FHDC1: variants seen among roughly 807,000 people sequenced by gnomAD.
The protein encoded by FHDC1 is FH2 domain-containing protein 1.
In FHDC1, 25 loss-of-function variants were observed where a neutral mutation model predicts 52.6. The ratio of observed to expected loss-of-function variants is 0.48; its 90% CI spans 0.35 to 0.66. The LOEUF is 0.66. Ranked by LOEUF, FHDC1 falls within the 30% of genes least tolerant of loss-of-function variation. The pLI is 0.01. For synonymous variants in FHDC1, 616 were observed against 581.5 expected, an observed-to-expected ratio of 1.06 and a Z score of -0.85; for missense variants, 1,459 against 1,452.8, an observed-to-expected ratio of 1.00 and a Z score of -0.07.
chr4:152,939,420 C>G (rs927681012), intron 1 of FHDC1, among the ~76,000 whole-genome samples: 1 of 152,094 alleles, frequency 6.6e-6, no homozygotes, highest in Non-Finnish European at 1.5e-5. Context: ...AGGCGTGAGC[C>G]ACCGCGCCTG....
rs779882518 is a variant in FHDC1 at position 152,976,561 on chromosome 4, C to T, written c.3270C>T (p.Ser1090=). The change falls in exon 12 of 12, where the codon AGC becomes AGT. Residue 1090 remains serine (S), a synonymous_variant. Coordinates refer to ENST00000511601, the MANE Select transcript of FHDC1 (RefSeq NM_001371116.1). ...ACAGCAGCACTTTGAGGCGAGCCAG[C>T]AGTGCCCGGGCCCCCAAGAAGCGCC... ...PKDSSTLRRA[S]SARAPKKRPE... 50 of 1,612,660 alleles carry T rather than the reference C, an allele frequency of 3.1e-5. No individual in the cohort carries two copies. The highest frequency in any genetic ancestry group is 4.0e-5 in the Non-Finnish European group (47 of 1,179,658).
chr4:152,914,375 T>C, the FHDC1 span, among the ~76,000 whole-genome samples: 2 of 151,376 alleles, frequency 1.3e-5, no homozygotes, highest in African/African-American at 4.9e-5. Flanking sequence ...AGTTTGACTC[T>C]TAGTAGTTTA....
intron 2 of FHDC1, among the ~76,000 whole-genome samples, chr4:152,946,529 C>T (rs553092851): frequency 3.9e-5 from 6 of 152,312 alleles, no homozygotes; most frequent in African/African-American, 1.4e-4. Flanking sequence ...GGGTTCTTGT[C>T]TAACAAAGAT....
chr4:152,918,979 AT>A, the FHDC1 span, among the ~76,000 whole-genome samples: 1 of 152,254 alleles, frequency 6.6e-6, no homozygotes, highest in East Asian at 1.9e-4. Context: ...AAGAGCTTGG[AT>A]CTAGCAGATT....
intron 10 of FHDC1, among the ~76,000 whole-genome samples, chr4:152,970,894 A>G (rs1157973128): frequency 6.6e-6 from 1 of 152,186 alleles, no homozygotes; most frequent in Non-Finnish European, 1.5e-5. Context: ...CACAGGTTCA[A>G]ACAGCAGTTC....
At chr4:152,933,900 C>T (rs984065989), upstream of FHDC1, among the ~76,000 whole-genome samples, 1 of 152,016 alleles carries the variant, frequency 6.6e-6, no homozygotes, top group African/African-American at 2.4e-5. Context: ...ACATGGGAAT[C>T]TGCAGAAGGT....
chr4:152,922,975 C>T, the FHDC1 span, among the ~76,000 whole-genome samples: 1 of 151,992 alleles, frequency 6.6e-6, no homozygotes, highest in African/African-American at 2.4e-5. Flanking sequence ...TGTCACCACT[C>T]CTATTCAACA....
At chr4:152,968,543 G>A (rs1004329987) in intron 10 of FHDC1, among the ~76,000 whole-genome samples, 3 of 152,168 alleles carry the variant, frequency 2.0e-5, no homozygotes, top group African/African-American at 7.2e-5. Flanking sequence ...TGGCCAGGCT[G>A]CTCTCAAACT....
intron 4 of FHDC1, among the ~76,000 whole-genome samples, chr4:152,955,952 T>C (rs757672231): frequency 6.6e-6 from 1 of 152,188 alleles, no homozygotes; most frequent in Non-Finnish European, 1.5e-5. Flanking sequence ...GGCCGCTCTC[T>C]CTCCCTCAGG....
upstream of FHDC1, among the ~76,000 whole-genome samples, chr4:152,935,622 T>TAAAAAC (rs1739340865): frequency 6.6e-6 from 1 of 151,390 alleles, no homozygotes; most frequent in South Asian, 2.1e-4. Context: ...CATTGAGAAT[T>TAAAAAC]AAAAACAAAA....
At chr4:152,913,017 A>C in the FHDC1 span, among the ~76,000 whole-genome samples, 5 of 152,194 alleles carry the variant, frequency 3.3e-5, no homozygotes, top group African/African-American at 1.2e-4. Flanking sequence ...TTAACAGATG[A>C]AACTATCAAG....
rs1740914053 is a variant in FHDC1, at chr4:152,976,945, T to G, written c.*222T>G. 1 of 435,284 alleles carries G rather than the reference T, an allele frequency of 2.3e-6. No individual in the cohort carries two copies. 27.0% of individuals were successfully genotyped at this position (435,284 alleles called of 1,614,324 possible). On this transcript the variant is annotated 3_prime_UTR_variant, in exon 12 of 12. Coordinates refer to ENST00000511601, the MANE Select transcript of FHDC1 (RefSeq NM_001371116.1). The stretch of plus-strand genomic sequence containing the variant: ...AGCGTCCAGATGGATGCACGTTCAC[T>G]ACTGTGACGGCCGCACCTCCCCCAT...
At position 152,976,472 on chromosome 4, in the gene FHDC1, ACT is replaced by A; in HGVS notation, c.3183_3184del (p.Arg1062AspfsTer183). On this transcript the variant is annotated frameshift_variant, in exon 12 of 12. Transcript: ENST00000511601. LOFTEE classifies it low-confidence loss of function (END_TRUNC). ...TCCCGTGGCCAAAGCCCCCGGCATC[ACT>A]CGGACAGTGTCGCAGCGGCAGCTGA... ...LPPVAKAPGI[T>X]RTVSQRQLRV... is the part of the protein sequence containing the mutation. 3 of 1,613,480 alleles carry A rather than the reference ACT, an allele frequency of 1.9e-6. No individual in the cohort carries two copies. The highest frequency in any genetic ancestry group is 2.2e-5 in the South Asian group (2 of 91,072).
chr4:152,937,597 C>T (rs1431782203), intron 1 of FHDC1, among the ~76,000 whole-genome samples: 1 of 151,648 alleles, frequency 6.6e-6, no homozygotes, highest in Non-Finnish European at 1.5e-5. Context: ...TGCGGAAGGC[C>T]GAGGGTCGTG....
At chr4:152,959,015 C>G (rs1228586794) in intron 4 of FHDC1, among the ~76,000 whole-genome samples, 3 of 152,174 alleles carry the variant, frequency 2.0e-5, no homozygotes, top group Non-Finnish European at 4.4e-5. Context: ...CTTTGTGGAT[C>G]TTTGCAAATA....
In FHDC1 at chr4:152,972,317, C is replaced by G. The variant is rs147218968; in HGVS notation, c.1219-60C>G. 1,009 of 1,512,112 alleles carry G rather than the reference C, an allele frequency of 6.7e-4. 8 individuals are homozygous for G. In the African/African-American group the frequency reaches 0.012, roughly 19 times the overall value. 93.7% of individuals were successfully genotyped at this position (1,512,112 alleles called of 1,614,324 possible). ...TCTTCTCTGGGCACCGGATGCAGTG[C>G]CCAGCGCCGCCTCAGCTGACAACGT... On this transcript the variant is annotated intron_variant, in intron 10 of 11. Coordinates refer to ENST00000511601, the MANE Select transcript of FHDC1 (RefSeq NM_001371116.1).
Position 152,975,871 on chromosome 4 carries a change from A to G in FHDC1, c.2580A>G (p.Val860=). 3 of 1,515,450 alleles carry G rather than the reference A, an allele frequency of 2.0e-6. No homozygotes were observed. Among genetic ancestry groups the G allele is most frequent in the Non-Finnish European group, 2.6e-6 (3 of 1,133,930 alleles). The allele number at this position is 1,515,450 out of a possible 1,614,324, so 93.9% of individuals were successfully genotyped here. ...AACCCACCAAAAGGAAAGATGTTGT[A>G]GCACCAAAGAGAGGCTCCCTGAAAG... ...RDKPTKRKDV[V]APKRGSLKEA... The change falls in exon 12 of 12, where the codon GTA becomes GTG. Residue 860 remains valine, a synonymous_variant. Coordinates refer to ENST00000511601, the MANE Select transcript of FHDC1 (RefSeq NM_001371116.1).
At chr4:152,915,361 C>T in the FHDC1 span, among the ~76,000 whole-genome samples, 5 of 152,288 alleles carry the variant, frequency 3.3e-5, no homozygotes, top group East Asian at 1.9e-4. Flanking sequence ...TAATTCCTCC[C>T]GCATCGGCTT....
chr4:152,964,924 C>T lies in FHDC1; in HGVS notation c.1049C>T (p.Thr350Ile). Residue 350 changes from threonine (T) to isoleucine (I), a missense_variant, in exon 9 of 12, where the codon ACC (threonine) becomes ATC (isoleucine). Physicochemically the swap from Thr to Ile is moderately conservative, Grantham distance 89. Transcript: ENST00000511601. ...TTCCAGGAAGCCCAAAAGAAAGATA[C>T]CATTCTTCTAAACTTTTCAGAAAAA... The part of the protein sequence containing the change: ...FVAQEAQKKD[T>I]ILLNFSEKLH... The T allele has an allele frequency of 2.5e-6, 4 of 1,612,226 alleles. No individual in the cohort carries two copies. The highest frequency in any genetic ancestry group is 3.4e-6 in the Non-Finnish European group (4 of 1,179,270).
Sources: allele counts gnomAD v4.1 joint callset (sites outside exome capture counted in the v4.1 genomes callset), GRCh38; gene constraint gnomAD v4.1.1; transcripts MANE v1.5; gene names NCBI Gene and HGNC (gene_info 2026-07-23, HGNC 2026-07-21).